Variants in LIPG observed in about 807,000 individuals in gnomAD.
LIPG encodes the protein lipase G, endothelial type.
Under a neutral mutation model 51.8 loss-of-function variants are expected in LIPG, and 34 were observed. That is an observed-to-expected ratio of 0.66 (90% CI 0.50 to 0.87). The LOEUF (loss-of-function observed/expected upper bound fraction) is 0.87. Among genes scored for constraint, LIPG ranks in the 40% least tolerant of loss-of-function variants. The pLI, the probability that LIPG is intolerant of heterozygous loss-of-function variation, is 0.00. For missense variants in LIPG, 580 were observed against 652.7 expected (o/e 0.89, Z 1.21); for synonymous variants, 246 against 246.1 (o/e 1.00, Z 0.00).
At chr18:49,581,681 C>A (rs1600563098) in intron 6 of LIPG, 24 bp downstream of exon 6, 1 of 1,610,150 alleles carries the variant, frequency 6.2e-7, no homozygotes, top group Non-Finnish European at 8.5e-7. Context: ...CCTGGAGTGT[C>A]CCTGAGGAAG....
At chr18:49,574,226 A>G (rs1034417557) in intron 4 of LIPG, among the ~76,000 whole-genome samples, 1 of 152,222 alleles carries the variant, frequency 6.6e-6, no homozygotes, top group Non-Finnish European at 1.5e-5. Context: ...ATAGTAGCTA[A>G]TACTGACAGG....
chr18:49,571,531 G>C (rs1425815589), intron 4 of LIPG, among the ~76,000 whole-genome samples: 1 of 152,172 alleles, frequency 6.6e-6, no homozygotes, highest in African/African-American at 2.4e-5. Flanking sequence ...CCCTGAGCAT[G>C]GTCCCTTCCC....
rs200306248 is a variant in LIPG, at chr18:49,567,609, C to T, written c.447C>T (p.Leu149=). 5.6e-5 allele frequency: 91 copies of T among 1,613,900 alleles called. No individual in the cohort carries two copies. The highest frequency in any genetic ancestry group is 5.6e-4 in the South Asian group (51 of 91,056). ...TGGGACACAGCATTGCCAGGATGCT[C>T]GACTGGCTGCAGGTACTGGGGGATG... The part of the protein sequence containing the change: ...RVVGHSIARM[L]DWLQEKDDFS... The change falls in exon 3 of 10, where the codon CTC becomes CTT. Residue 149 remains leucine (L), a synonymous_variant. Transcript: ENST00000261292.
At position 49,590,422 on chromosome 18, in the gene LIPG, A is replaced by G. The variant is rs561048124; in HGVS notation, c.1482-79A>G. On this transcript the variant is annotated intron_variant, in intron 9 of 9. Transcript: ENST00000261292. ...CAGAAAGCTTGGCCTTAAGGTCAAA[A>G]GAGCACACCCTGAATACAGGTTTGC... 93 of 1,495,844 alleles carry G rather than the reference A, an allele frequency of 6.2e-5. No individual in the cohort carries two copies. In the African/African-American group the frequency reaches 1.1e-3, roughly 18 times the overall value. The allele number at this position is 1,495,844 out of a possible 1,614,324, so 92.7% of individuals were successfully genotyped here. A position where few individuals can be genotyped will look rare whatever the true frequency, so the allele number is the denominator to read the frequency against.
intron 5 of LIPG, among the ~76,000 whole-genome samples, chr18:49,579,284 A>T (rs2084788777): frequency 6.7e-6 from 1 of 148,980 alleles, no homozygotes; most frequent in Non-Finnish European, 1.5e-5. Context: ...ATTTTAAAGA[A>T]GCAAAACCAT....
At chr18:49,576,047 A>T (rs1014824081) in intron 5 of LIPG, among the ~76,000 whole-genome samples, 8 of 152,094 alleles carry the variant, frequency 5.3e-5, no homozygotes, top group Non-Finnish European at 1.0e-4. Flanking sequence ...CATGTTGGCC[A>T]GGCTGGTTTT....
chr18:49,572,232 A>G (rs2148849567), intron 4 of LIPG, among the ~76,000 whole-genome samples: 1 of 152,330 alleles, frequency 6.6e-6, no homozygotes, highest in South Asian at 2.1e-4. Flanking sequence ...AAGCAGGAGA[A>G]TCTCTTGAAC....
intron 7 of LIPG, 112 bp from the exon 8 acceptor site, chr18:49,583,444 C>A: frequency 1.2e-6 from 1 of 859,492 alleles, no homozygotes; most frequent in Non-Finnish European, 2.0e-6. Flanking sequence ...AAAGCACTCA[C>A]ACTGTCTCTC....
At chr18:49,578,485 C>T (rs1199952695) in intron 5 of LIPG, among the ~76,000 whole-genome samples, 1 of 135,732 alleles carries the variant, frequency 7.4e-6, no homozygotes, top group Admixed American at 7.2e-5. Context: ...AAGAGGCGCT[C>T]CTCACTTCCT....
chr18:49,565,505 C>A lies in LIPG; in HGVS notation c.279+7C>A. 6.2e-7 allele frequency: 1 copy of A among 1,614,128 alleles called. No individual in the cohort carries two copies. The highest frequency in any genetic ancestry group is 1.1e-5 in the South Asian group (1 of 91,084). On this transcript the variant is annotated splice_region_variant and intron_variant, in intron 2 of 9. Transcript: ENST00000261292. ...CATCATTCACGGATGGACGGTGAGC[C>A]CGGGGAGGGAGCTCTGCGGCTTTAT...
At chr18:49,584,134 CA>C (rs766465447) in intron 8 of LIPG, among the ~76,000 whole-genome samples, 15 of 152,110 alleles carry the variant, frequency 9.9e-5, no homozygotes, top group Non-Finnish European at 4.4e-5. Context: ...TCCATGCAGA[CA>C]AAAGGCTTTG....
chr18:49,577,644 G>T (rs1167558385), intron 5 of LIPG, among the ~76,000 whole-genome samples: 3 of 143,012 alleles, frequency 2.1e-5, no homozygotes, highest in African/African-American at 8.3e-5. Context: ...GCCGGGCAGG[G>T]GGCTGACCCC....
In LIPG at chr18:49,599,019, C is replaced by A. The variant is rs1312851846; in HGVS notation, c.*8497C>A. ...GTTTATCCGTTTACTTGTTGATGAA[C>A]TTTAAGTTGTTTCCAGTTTTGAGTT... On this transcript the variant is annotated 3_prime_UTR_variant, in exon 10 of 10. Transcript: ENST00000261292. The A allele has an allele frequency of 6.6e-6, 1 of 152,156 alleles. No homozygotes were observed. The highest frequency in any genetic ancestry group is 1.5e-5 in the Non-Finnish European group (1 of 68,030). 9.4% of individuals were successfully genotyped at this position (152,156 alleles called of 1,614,324 possible).
chr18:49,564,990 T>C (rs1203543350), intron 1 of LIPG, among the ~76,000 whole-genome samples: 1 of 152,168 alleles, frequency 6.6e-6, no homozygotes, highest in African/African-American at 2.4e-5. Context: ...GAAAAAGAAC[T>C]GAGAACCTGT....
chr18:49,566,391 C>T (rs775470140), intron 2 of LIPG, among the ~76,000 whole-genome samples: 32 of 152,268 alleles, frequency 2.1e-4, no homozygotes, highest in Non-Finnish European at 3.8e-4. Context: ...AAGCTGCCTG[C>T]GACTTACAAG....
rs1359400169 is a variant in LIPG, at chr18:49,591,678, C to T, written c.*1156C>T. 4 of 152,312 alleles carry T rather than the reference C, an allele frequency of 2.6e-5. No individual in the cohort carries two copies. Among genetic ancestry groups the T allele is most frequent in the African/African-American group, 9.6e-5 (4 of 41,568 alleles). The allele number at this position is 152,312 out of a possible 1,614,324, so 9.4% of individuals were successfully genotyped here. On this transcript the variant is annotated 3_prime_UTR_variant, in exon 10 of 10. Coordinates refer to ENST00000261292, the MANE Select transcript of LIPG (RefSeq NM_006033.4). ...CTTGTTGAACTTCTTGGAAAAGCCA[C>T]CAATTCTAGATCTTGATTTGAATTA...
At chr18:49,561,897 G>T, upstream of LIPG, 13 of 1,329,838 alleles carry the variant, frequency 9.8e-6, no homozygotes, top group Non-Finnish European at 1.2e-5. Flanking sequence ...CGCGGTGAGT[G>T]TGCAGCGCTT....
upstream of LIPG, chr18:49,561,997 A>G: frequency 7.1e-7 from 1 of 1,406,954 alleles, no homozygotes; most frequent in Non-Finnish European, 9.2e-7. Flanking sequence ...GCAAATCACC[A>G]TCTGGCGATG....
rs1376928835 is a variant in LIPG at position 49,574,196 on chromosome 18, A to G, written c.572-1173A>G. ...TCTGGTTGGGATAAATCTGGTTCCC[A>G]TAATCACTTGGGCTTGGTAATAGTA... On this transcript the variant is annotated intron_variant, in intron 4 of 9. Transcript: ENST00000261292. Among the ~76,000 whole-genome samples, 3 of 152,184 alleles carry G rather than the reference A, an allele frequency of 2.0e-5. No individual in the cohort carries two copies. In the South Asian group the frequency reaches 6.2e-4, roughly 32 times the overall value.
Sources: gnomAD v4.1 joint callset for allele counts (sites outside exome capture counted in the v4.1 genomes callset) on GRCh38, gnomAD v4.1.1 for gene constraint, MANE v1.5 for transcripts, NCBI Gene and HGNC (gene_info 2026-07-23, HGNC 2026-07-21) for gene names.